The following PDE3B variants were observed in gnomAD, a reference collection of about 807,000 sequenced individuals.
PDE3B encodes cGMP-inhibited 3',5'-cyclic phosphodiesterase 3B.
A neutral mutation model predicts 116.8 loss-of-function variants in PDE3B; 66 were observed. The observed-to-expected ratio is 0.56, with a 90% CI of 0.46 to 0.69. The LOEUF is 0.69. Ranked by LOEUF, PDE3B falls within the 30% of genes least tolerant of loss-of-function variation. The pLI is 0.00. For synonymous variants in PDE3B, 595 were observed against 533.6 expected, an observed-to-expected ratio of 1.12 and a Z score of -1.59; for missense variants, 1,384 against 1,368.1, an observed-to-expected ratio of 1.01 and a Z score of -0.18.
At chr11:14,758,737 A>G (rs1238842205) in intron 1 of PDE3B, among the ~76,000 whole-genome samples, 1 of 151,606 alleles carries the variant, frequency 6.6e-6, no homozygotes, top group Non-Finnish European at 1.5e-5. Context: ...ATATACAATC[A>G]TGTCGTCTGC....
At chr11:14,692,799 A>T (rs138572509) in intron 1 of PDE3B, among the ~76,000 whole-genome samples, 2 of 152,184 alleles carry the variant, frequency 1.3e-5, no homozygotes, top group African/African-American at 4.8e-5. Flanking sequence ...CCGATTAATA[A>T]TCCTACAGTG....
At chr11:14,814,447 T>C (rs1429372810) in intron 5 of PDE3B, among the ~76,000 whole-genome samples, 4 of 152,146 alleles carry the variant, frequency 2.6e-5, no homozygotes, top group Admixed American at 2.6e-4. Context: ...TATTACTCTA[T>C]ACTATCAGAA....
At chr11:14,773,446 T>C (rs953845691) in intron 2 of PDE3B, 10 of 152,162 alleles carry the variant, frequency 6.6e-5, no homozygotes, top group African/African-American at 2.4e-4. Context: ...CTTGGCATTA[T>C]ATTGGTATCA....
At chr11:14,651,639 T>A (rs1853577588) in intron 1 of PDE3B, among the ~76,000 whole-genome samples, 1 of 152,236 alleles carries the variant, frequency 6.6e-6, no homozygotes, top group African/African-American at 2.4e-5. Context: ...ATGGCATTTC[T>A]TTGTGATTGT....
At chr11:14,828,090 A>C (rs969625883) in intron 7 of PDE3B, among the ~76,000 whole-genome samples, 19 of 152,226 alleles carry the variant, frequency 1.2e-4, no homozygotes, top group African/African-American at 4.3e-4. Context: ...TATTCAATAA[A>C]TGGTGGTGGG....
intron 12 of PDE3B, among the ~76,000 whole-genome samples, chr11:14,847,380 A>G (rs1485812284): frequency 3.3e-5 from 5 of 151,674 alleles, no homozygotes; most frequent in Admixed American, 3.3e-4. Context: ...TGCCCACAAG[A>G]GAAAGCAGGA....
At chr11:14,697,011 A>T (rs531785896) in intron 1 of PDE3B, among the ~76,000 whole-genome samples, 3 of 152,188 alleles carry the variant, frequency 2.0e-5, no homozygotes, top group Non-Finnish European at 2.9e-5. Flanking sequence ...AATATAGCTC[A>T]GTGCAACCTT....
At chr11:14,758,666 C>T (rs1202456666) in intron 1 of PDE3B, among the ~76,000 whole-genome samples, 8 of 148,480 alleles carry the variant, frequency 5.4e-5, no homozygotes, top group East Asian at 4.0e-4. Flanking sequence ...TATCCTGAGA[C>T]TTTGCTGAAG....
chr11:14,763,566 G>A (rs1857417493), intron 1 of PDE3B, among the ~76,000 whole-genome samples: 1 of 151,996 alleles, frequency 6.6e-6, no homozygotes, highest in Non-Finnish European at 1.5e-5. Flanking sequence ...GAATGATTTA[G>A]TAGAGAAAAA....
the PDE3B span, among the ~76,000 whole-genome samples, chr11:14,882,939 T>A: frequency 9.2e-5 from 14 of 152,070 alleles, no homozygotes; most frequent in East Asian, 1.9e-4. Flanking sequence ...CACAATTGCT[T>A]CAAAGAGAAT....
intron 1 of PDE3B, among the ~76,000 whole-genome samples, chr11:14,646,807 G>A (rs1203726815): frequency 6.6e-6 from 1 of 151,990 alleles, no homozygotes; most frequent in Non-Finnish European, 1.5e-5. Context: ...ATACCAGGTA[G>A]CTTCAATTAT....
At chr11:14,847,879 A>G (rs578050743) in intron 12 of PDE3B, among the ~76,000 whole-genome samples, 1 of 152,238 alleles carries the variant, frequency 6.6e-6, no homozygotes, top group African/African-American at 2.4e-5. Flanking sequence ...CCAGGACCAG[A>G]TGGATTCACA....
chr11:14,862,654 A>G (rs958454513), intron 14 of PDE3B, among the ~76,000 whole-genome samples: 2 of 152,158 alleles, frequency 1.3e-5, no homozygotes, highest in Non-Finnish European at 2.9e-5. Flanking sequence ...GCTCACTGCA[A>G]CCTCTGCCAC....
At chr11:14,800,725 C>T (rs1046896784) in intron 4 of PDE3B, among the ~76,000 whole-genome samples, 5 of 152,148 alleles carry the variant, frequency 3.3e-5, no homozygotes, top group African/African-American at 1.2e-4. Flanking sequence ...TGGGGATGTT[C>T]TCTTGGATAA....
At chr11:14,749,162 T>C (rs1856991295) in intron 1 of PDE3B, among the ~76,000 whole-genome samples, 1 of 152,212 alleles carries the variant, frequency 6.6e-6, no homozygotes, top group Admixed American at 6.5e-5. Context: ...GTGCTGGGAT[T>C]ACAAGCGTGA....
At chr11:14,855,956 G>C (rs1426265839) in intron 12 of PDE3B, among the ~76,000 whole-genome samples, 1 of 152,188 alleles carries the variant, frequency 6.6e-6, no homozygotes, top group African/African-American at 2.4e-5. Context: ...TAAGATAAAG[G>C]AAGATAAGGG....
intron 1 of PDE3B, among the ~76,000 whole-genome samples, chr11:14,677,234 T>C (rs533700637): frequency 9.9e-5 from 15 of 152,276 alleles, no homozygotes; most frequent in African/African-American, 3.4e-4. Flanking sequence ...TTTCTGGTGG[T>C]GTCATTTTCA....
At chr11:14,704,566 G>C (rs977966388) in intron 1 of PDE3B, among the ~76,000 whole-genome samples, 1 of 151,702 alleles carries the variant, frequency 6.6e-6, no homozygotes, top group Non-Finnish European at 1.5e-5. Flanking sequence ...TGGTATTAGT[G>C]ATAGAATGGA....
chr11:14,808,952 C>T (rs112762603), intron 5 of PDE3B, among the ~76,000 whole-genome samples: 2 of 152,220 alleles, frequency 1.3e-5, no homozygotes, highest in South Asian at 2.1e-4. Context: ...GCACTAGATT[C>T]GATACAGTCC....
Sources: gnomAD v4.1 joint callset for allele counts (sites outside exome capture counted in the v4.1 genomes callset) on GRCh38, gnomAD v4.1.1 for gene constraint, MANE v1.5 for transcripts, NCBI Gene and HGNC (gene_info 2026-07-23, HGNC 2026-07-21) for gene names.